PNCK: variants seen among roughly 807,000 people sequenced by gnomAD.
PNCK encodes the protein calcium/calmodulin-dependent protein kinase type 1B.
A neutral mutation model predicts 28.3 loss-of-function variants in PNCK; 21 were observed. The observed-to-expected ratio is 0.74, with a 90% CI of 0.53 to 1.07. The LOEUF (loss-of-function observed/expected upper bound fraction) is 1.07, where lower values mean the gene tolerates loss of function less well. Among genes scored for constraint, PNCK ranks in the 50% least tolerant of loss-of-function variants. PNCK has a pLI of 0.00. For synonymous variants in PNCK, 136 were observed against 125.2 expected, an observed-to-expected ratio of 1.09 and a Z score of -0.58; for missense variants, 250 against 298.3, an observed-to-expected ratio of 0.84 and a Z score of 1.19.
At chrX:153,671,774 G>A (rs782177598) in intron 5 of PNCK, 102 bp from the exon 6 acceptor site, 1 of 1,164,079 alleles carries the variant, frequency 8.6e-7, no homozygotes, top group Non-Finnish European at 1.1e-6. Context: ...CCAGAGCCTT[G>A]GTGGAGCAGG....
chrX:153,685,841 C>T (rs985838445), intron 1 of PNCK, among the ~76,000 whole-genome samples: 23 of 113,210 alleles, frequency 2.0e-4, no homozygotes, highest in African/African-American at 7.4e-4. Flanking sequence ...GAGGAGTTCA[C>T]AGTCACTATG....
chrX:153,674,012 T>C, upstream of PNCK: 1 of 1,181,777 alleles, frequency 8.5e-7, no homozygotes, highest in South Asian at 1.8e-5. Context: ...CTCCCGGAGC[T>C]GCGGCCCGGC....
rs893009832 is a variant in PNCK, at chrX:153,672,022, G to A, written c.276-4C>T. 4.1e-6 allele frequency: 5 copies of A among 1,207,341 alleles called. No individual in the cohort carries two copies. Among genetic ancestry groups the A allele is most frequent in the Non-Finnish European group, 5.6e-6 (5 of 893,314 alleles). On this transcript the variant is annotated splice_polypyrimidine_tract_variant and splice_region_variant and intron_variant, in intron 4 of 11. Coordinates refer to ENST00000340888, the MANE Select transcript of PNCK (RefSeq NM_001366977.1). Reference sequence around the variant, plus strand: ...AAACAGCTCGCCACCCGTCACCCTGGGGGTGCCAGGGGTTTGGCTGACCCA... The same window carrying A: ...AAACAGCTCGCCACCCGTCACCCTGAGGGTGCCAGGGGTTTGGCTGACCCA...
At chrX:153,672,263 T>C (rs782112865) in intron 3 of PNCK, 63 bp from the exon 4 acceptor site, 9 of 1,077,641 alleles carry the variant, frequency 8.4e-6, no homozygotes, top group Non-Finnish European at 1.1e-5. Context: ...CCTGAGGCCC[T>C]GGGGAAAGCC....
At chrX:153,679,267 G>A (rs1183095886), upstream of PNCK, among the ~76,000 whole-genome samples, 1 of 110,113 alleles carries the variant, frequency 9.1e-6, no homozygotes, top group Non-Finnish European at 1.9e-5. Context: ...CGCTTTTCAG[G>A]GTGGCTGTAC....
intron 5 of PNCK, 27 bp from the exon 6 acceptor site, chrX:153,671,699 G>A (rs1557039926): frequency 9.4e-6 from 11 of 1,176,047 alleles, no homozygotes; most frequent in Non-Finnish European, 1.1e-5. Flanking sequence ...CCGGGAAAAG[G>A]GCCAGTCAGT....
intron 1 of PNCK, among the ~76,000 whole-genome samples, chrX:153,681,995 TTTTG>T (rs1291385374): frequency 8.9e-6 from 1 of 111,970 alleles, no homozygotes; most frequent in Non-Finnish European, 1.9e-5. Context: ...TAAAGTTTTG[TTTTG>T]TTTGTTTGAG....
At chrX:153,678,871 C>T (rs371382280), upstream of PNCK, among the ~76,000 whole-genome samples, 2 of 107,668 alleles carry the variant, frequency 1.9e-5, no homozygotes, top group Non-Finnish European at 3.8e-5. Flanking sequence ...TTGCTTTTTC[C>T]GGAATGTCAG....
At chrX:153,683,050 C>T (rs1472163116) in intron 1 of PNCK, among the ~76,000 whole-genome samples, 3 of 112,443 alleles carry the variant, frequency 2.7e-5, no homozygotes, top group Non-Finnish European at 5.6e-5. Context: ...CAGGCCCAGC[C>T]GAGAAAGAGT....
At chrX:153,670,306 C>T (rs1603197751) in intron 11 of PNCK, 144 bp downstream of exon 11, 1 of 881,952 alleles carries the variant, frequency 1.1e-6, no homozygotes, top group East Asian at 3.4e-5. Flanking sequence ...CTCCTGGGGC[C>T]CTGGCTCCTC....
intron 5 of PNCK, 65 bp from the exon 6 acceptor site, chrX:153,671,737 G>A: frequency 6.0e-6 from 7 of 1,166,117 alleles, no homozygotes; most frequent in Non-Finnish European, 8.0e-6. Context: ...GCTGGGACAG[G>A]ATGGGGACTA....
At chrX:153,671,415 T>A (rs1238585941) in intron 6 of PNCK, 55 bp from the exon 7 acceptor site, 1 of 1,211,435 alleles carries the variant, frequency 8.3e-7, no homozygotes. Context: ...GCCATGCCGC[T>A]CAGTGTCACT....
At chrX:153,684,099 A>C (rs1310439205) in intron 1 of PNCK, among the ~76,000 whole-genome samples, 5 of 111,991 alleles carry the variant, frequency 4.5e-5, no homozygotes, top group Non-Finnish European at 9.4e-5. Context: ...GTCTGTTATC[A>C]TTTAAACTAT....
chrX:153,673,357 A>C, intron 1 of PNCK: 2 of 1,032,927 alleles, frequency 1.9e-6, no homozygotes, highest in Non-Finnish European at 1.3e-6. Context: ...GCCTCCACAC[A>C]TCCGGCCGCT....
upstream of PNCK, chrX:153,674,442 C>T: frequency 3.5e-6 from 1 of 283,403 alleles, no homozygotes; most frequent in East Asian, 5.4e-5. Flanking sequence ...CACTGGCCTC[C>T]TGACGGCCCT....
upstream of PNCK, among the ~76,000 whole-genome samples, chrX:153,678,624 C>G (rs1557042055): frequency 9.0e-6 from 1 of 111,502 alleles, no homozygotes; most frequent in East Asian, 2.8e-4. Flanking sequence ...CTTATGTGTT[C>G]TTCCTTTTGC....
intron 1 of PNCK, among the ~76,000 whole-genome samples, chrX:153,685,149 G>A: frequency 9.4e-6 from 1 of 106,763 alleles, no homozygotes; most frequent in Non-Finnish European, 1.9e-5. Flanking sequence ...GCTGGCGGGG[G>A]ACAGCTACCC....
upstream of PNCK, among the ~76,000 whole-genome samples, chrX:153,678,102 C>A (rs1169307759): frequency 9.1e-6 from 1 of 109,521 alleles, no homozygotes; most frequent in Non-Finnish European, 1.9e-5. Flanking sequence ...TAATCCATCA[C>A]CACCTGGGTC....
upstream of PNCK, among the ~76,000 whole-genome samples, chrX:153,676,818 C>T (rs1557041647): frequency 9.5e-6 from 1 of 105,483 alleles, no homozygotes; most frequent in Admixed American, 1.0e-4. Flanking sequence ...GAGCCAAGAT[C>T]GTGCCATTGC....
Sources: allele counts gnomAD v4.1 joint callset (sites outside exome capture counted in the v4.1 genomes callset), GRCh38; gene constraint gnomAD v4.1.1; transcripts MANE v1.5; gene names NCBI Gene and HGNC (gene_info 2026-07-23, HGNC 2026-07-21).